AFAP1: variants seen among roughly 807,000 people sequenced by gnomAD.
AFAP1 encodes the protein actin filament associated protein 1, also known as actin filament-associated protein 1.
A neutral mutation model predicts 93.9 loss-of-function variants in AFAP1; 75 were observed. That is an observed-to-expected ratio of 0.80 (90% CI 0.66 to 0.97). The LOEUF is 0.97. AFAP1 is among the 50% of genes least tolerant of loss of function. AFAP1 has a pLI of 0.00. For missense variants in AFAP1, 1,201 were observed against 1,050.8 expected (o/e 1.14, Z -1.98); for synonymous variants, 517 against 430.7 (o/e 1.20, Z -2.48).
intron 1 of AFAP1, among the ~76,000 whole-genome samples, chr4:7,891,954 T>C (rs1187501375): frequency 2.0e-5 from 3 of 151,926 alleles, no homozygotes; most frequent in Non-Finnish European, 4.4e-5. Context: ...CTCAGGATGC[T>C]GAGGCAGGAG....
rs761412534 is a variant in AFAP1, at chr4:7,894,920, GTC to G, written c.-2-22842_-2-22841del. 3.4e-4 allele frequency among the ~76,000 whole-genome samples: 51 copies of G among 152,230 alleles called. 1 individual carries two copies. The highest frequency in any genetic ancestry group is 6.2e-4 in the Non-Finnish European group (42 of 68,036). On this transcript the variant is annotated intron_variant, in intron 1 of 17. Transcript: ENST00000420658. ...GGAGGGGGATGCTGGAAGGCCTGCTGTCTCTCTGCCCCTGGCTCCCCAGGCAG... is the reference window on the plus strand; with the variant it reads ...GGAGGGGGATGCTGGAAGGCCTGCTGTCTCTGCCCCTGGCTCCCCAGGCAG...
chr4:7,762,229 T>C lies in AFAP1; in HGVS notation c.*1536A>G, dbSNP rs2148929936. The C allele has an allele frequency of 6.6e-6, 1 of 152,404 alleles. No individual in the cohort carries two copies. The highest frequency in any genetic ancestry group is 2.1e-4 in the South Asian group (1 of 4,832). The allele number at this position is 152,404 out of a possible 1,614,324, so 9.4% of individuals were successfully genotyped here. On this transcript the variant is annotated 3_prime_UTR_variant, in exon 18 of 18. Transcript: ENST00000420658. The stretch of plus-strand genomic sequence containing the variant: ...CCCGTGCACCACACAGCTAGCGCTC[T>C]GAAAGTATGTCTGGGGGAAACCCAA...
At chr4:7,833,010 G>A (rs1711815655) in intron 6 of AFAP1, among the ~76,000 whole-genome samples, 1 of 152,194 alleles carries the variant, frequency 6.6e-6, no homozygotes, top group African/African-American at 2.4e-5. Flanking sequence ...ACTCAAGATG[G>A]ATGAACGACT....
At chr4:7,836,874 T>C (rs2149103232) in intron 6 of AFAP1, among the ~76,000 whole-genome samples, 1 of 151,526 alleles carries the variant, frequency 6.6e-6, no homozygotes, top group South Asian at 2.1e-4. Flanking sequence ...GGTGAATTTA[T>C]GGTATGTGAA....
chr4:7,873,835 A>C (rs1481177356), intron 1 of AFAP1, among the ~76,000 whole-genome samples: 1 of 152,212 alleles, frequency 6.6e-6, no homozygotes, highest in Non-Finnish European at 1.5e-5. Context: ...GGCAAACTGC[A>C]ATGACTTAGA....
At chr4:7,843,443 C>A in intron 4 of AFAP1, 93 bp from the exon 5 acceptor site, 1 of 1,172,932 alleles carries the variant, frequency 8.5e-7, no homozygotes, top group South Asian at 1.6e-5. Context: ...TTTTAATCAC[C>A]AAGTAACTGA....
At chr4:7,893,843 T>C (rs1718614843) in intron 1 of AFAP1, among the ~76,000 whole-genome samples, 1 of 152,080 alleles carries the variant, frequency 6.6e-6, no homozygotes, top group Non-Finnish European at 1.5e-5. Context: ...CACACTGACT[T>C]TGGTACACCA....
intron 6 of AFAP1, among the ~76,000 whole-genome samples, chr4:7,828,367 G>A (rs1721617195): frequency 6.6e-6 from 1 of 152,186 alleles, no homozygotes; most frequent in African/African-American, 2.4e-5. Context: ...TTGCCTTAGG[G>A]TGTTTTGGTT....
chr4:7,841,835 G>C (rs1009019318), intron 5 of AFAP1, among the ~76,000 whole-genome samples: 1 of 150,888 alleles, frequency 6.6e-6, no homozygotes, highest in Non-Finnish European at 1.5e-5. Context: ...GGGAAAGCTG[G>C]CAGGGGCCCA....
rs535408132 is a variant in AFAP1, at chr4:7,909,680, T to G, written c.-3+29976A>C. Among the ~76,000 whole-genome samples, 13 of 152,302 alleles carry G rather than the reference T, an allele frequency of 8.5e-5. No individual in the cohort carries two copies. In the East Asian group the frequency reaches 2.5e-3, roughly 29 times the overall value. ...TCTAAGCTAGTGAAAGCATAAGGCA[T>G]GTGTATGATTCAGGACTCCAATTCA... is the stretch of plus-strand genomic sequence containing the variant. On this transcript the variant is annotated intron_variant, in intron 1 of 17. Transcript: ENST00000420658.
intron 1 of AFAP1, among the ~76,000 whole-genome samples, chr4:7,875,872 T>C (rs1016261717): frequency 6.6e-6 from 1 of 151,542 alleles, no homozygotes; most frequent in Non-Finnish European, 1.5e-5. Flanking sequence ...GTACTTAGAG[T>C]AGTCAAATTC....
chr4:7,937,482 T>C (rs12640338), intron 1 of AFAP1, among the ~76,000 whole-genome samples: 28,261 of 152,188 alleles, frequency 0.19, 3,011 homozygotes, highest in African/African-American at 0.28. Context: ...GTAGACCCAG[T>C]ACATTGTTTC....
intron 3 of AFAP1, among the ~76,000 whole-genome samples, chr4:7,865,617 G>T (rs552036997): frequency 1.8e-4 from 27 of 152,278 alleles, no homozygotes; most frequent in African/African-American, 5.1e-4. Flanking sequence ...GAAAGAGGAT[G>T]AATAAGTAAT....
chr4:7,932,562 C>T (rs1182679233), intron 1 of AFAP1, among the ~76,000 whole-genome samples: 1 of 152,152 alleles, frequency 6.6e-6, no homozygotes, highest in Non-Finnish European at 1.5e-5. Context: ...GGTGTTTCTT[C>T]CAATAGAGGA....
intron 3 of AFAP1, among the ~76,000 whole-genome samples, chr4:7,857,935 C>T: frequency 6.6e-6 from 1 of 152,042 alleles, no homozygotes. Flanking sequence ...TTTGCGTATC[C>T]CCTTAGATCC....
rs780539684 is a variant in AFAP1, at chr4:7,855,493, C to T, written c.307G>A (p.Gly103Arg). 1.7e-5 allele frequency: 28 copies of T among 1,612,396 alleles called. No individual in the cohort carries two copies. Among genetic ancestry groups the T allele is most frequent in the Non-Finnish European group, 2.4e-5 (28 of 1,179,090 alleles). The change falls in exon 4 of 18, where the codon GGA becomes AGA. Residue 103 changes from glycine (G) to arginine (R), a missense_variant. Transcript: ENST00000420658. ...YYEEAVPLSP[G>R]KAPEYITSNY... is the part of the protein sequence containing the mutation. ...GATGTGATGTATTCCGGAGCTTTTC[C>T]GGGGCTCAGCGGCACAGCTTCCTCA... is the stretch of plus-strand genomic sequence containing the variant.
chr4:7,774,047 T>C (rs1005213171), intron 15 of AFAP1: 2 of 152,392 alleles, frequency 1.3e-5, no homozygotes, highest in Non-Finnish European at 2.9e-5. Context: ...CAGTCTTCCG[T>C]AGTCTAAGCA....
At chr4:7,821,578 C>T (rs552854922) in intron 6 of AFAP1, among the ~76,000 whole-genome samples, 4 of 152,186 alleles carry the variant, frequency 2.6e-5, no homozygotes, top group South Asian at 2.1e-4. Flanking sequence ...CCAGCACTTG[C>T]AAAACTTACA....
At chr4:7,924,918 G>T (rs556828842) in intron 1 of AFAP1, among the ~76,000 whole-genome samples, 1 of 152,204 alleles carries the variant, frequency 6.6e-6, no homozygotes, top group East Asian at 1.9e-4. Context: ...ATCATTCAGA[G>T]AAAGCCAAAT....
Sources: gnomAD v4.1 joint callset for allele counts (sites outside exome capture counted in the v4.1 genomes callset) on GRCh38, gnomAD v4.1.1 for gene constraint, MANE v1.5 for transcripts, NCBI Gene and HGNC (gene_info 2026-07-23, HGNC 2026-07-21) for gene names.